The following TMEM232 variants were observed in gnomAD, a reference collection of about 807,000 sequenced individuals.
TMEM232 encodes transmembrane protein 232.
A neutral mutation model predicts 78.8 loss-of-function variants in TMEM232; 80 were observed. The observed-to-expected ratio is 1.01, with a 90% CI of 0.85 to 1.22. TMEM232 has a LOEUF of 1.22. TMEM232 is among the 50% of genes most tolerant of loss of function. The pLI is 0.00. For synonymous variants in TMEM232, 297 were observed against 254.3 expected, an observed-to-expected ratio of 1.17 and a Z score of -1.60; for missense variants, 881 against 742.2, an observed-to-expected ratio of 1.19 and a Z score of -2.17.
At chr5:110,711,628 C>T (rs1193284035) in intron 1 of TMEM232, among the ~76,000 whole-genome samples, 1 of 152,000 alleles carries the variant, frequency 6.6e-6, no homozygotes, top group Non-Finnish European at 1.5e-5. Context: ...AGAAACAAGT[C>T]CACACACCTA....
chr5:110,517,034 G>A (rs1432505890), intron 12 of TMEM232, among the ~76,000 whole-genome samples: 1 of 152,070 alleles, frequency 6.6e-6, no homozygotes, highest in Non-Finnish European at 1.5e-5. Context: ...CCTTCTATAG[G>A]AGTCCTTATA....
intron 2 of TMEM232, among the ~76,000 whole-genome samples, chr5:110,403,446 A>G (rs1755677158): frequency 6.6e-6 from 1 of 151,944 alleles, no homozygotes; most frequent in Non-Finnish European, 1.5e-5. Context: ...TCTTATTTTG[A>G]TCTGTGCAGC....
intron 12 of TMEM232, among the ~76,000 whole-genome samples, chr5:110,460,292 A>AGTGTGT (rs112235101): frequency 3.3e-5 from 5 of 149,494 alleles, no homozygotes; most frequent in South Asian, 2.1e-4. Flanking sequence ...TGTATAAGTA[A>AGTGTGT]GTGTGTGTGT....
intron 10 of TMEM232, among the ~76,000 whole-genome samples, chr5:110,570,863 C>T (rs573769996): frequency 1.5e-4 from 23 of 152,094 alleles, no homozygotes; most frequent in Admixed American, 3.3e-4. Flanking sequence ...TACTGTCTGT[C>T]TTTCTAATAT....
chr5:110,732,822 T>G (rs1798807096), intron 2 of TMEM232, among the ~76,000 whole-genome samples: 1 of 152,200 alleles, frequency 6.6e-6, no homozygotes, highest in African/African-American at 2.4e-5. Flanking sequence ...ATCTGAAATT[T>G]TTATTTGTCA....
Position 110,479,861 on chromosome 5 carries a change from T to G in TMEM232, c.1703+48727A>C, listed in dbSNP as rs539189831. 3.3e-5 allele frequency among the ~76,000 whole-genome samples: 5 copies of G among 152,026 alleles called. No homozygotes were observed. In the East Asian group the frequency reaches 9.6e-4, roughly 29 times the overall value. On this transcript the variant is annotated intron_variant, in intron 12 of 13. Transcript: ENST00000455884. ...AGTACATTTCTGTAAAGAAGTCACT[T>G]AAATTCACACCCACATGTTTTTGGT...
chr5:110,719,145 T>C (rs1413055722), intron 1 of TMEM232, among the ~76,000 whole-genome samples: 3 of 151,906 alleles, frequency 2.0e-5, no homozygotes, highest in African/African-American at 7.3e-5. Flanking sequence ...TGAAATACTA[T>C]GAAGTACATG....
chr5:110,576,854 C>G (rs1249854959), intron 10 of TMEM232, among the ~76,000 whole-genome samples: 23 of 152,012 alleles, frequency 1.5e-4, no homozygotes, highest in Admixed American at 1.5e-3. Context: ...GAAACTGGAC[C>G]ACTTCCTAAC....
intron 2 of TMEM232, among the ~76,000 whole-genome samples, chr5:110,663,929 G>A (rs1472988494): frequency 3.3e-5 from 5 of 152,040 alleles, no homozygotes; most frequent in African/African-American, 4.8e-5. Flanking sequence ...ATTTGAGGTC[G>A]AGAATTTGAA....
chr5:110,718,325 A>C (rs1797229395), intron 1 of TMEM232, among the ~76,000 whole-genome samples: 1 of 152,178 alleles, frequency 6.6e-6, no homozygotes, highest in African/African-American at 2.4e-5. Context: ...ATTATTATGA[A>C]GTTTTCAAAA....
intron 11 of TMEM232, among the ~76,000 whole-genome samples, chr5:110,536,262 A>G (rs187575113): frequency 6.6e-6 from 1 of 152,328 alleles, no homozygotes; most frequent in East Asian, 1.9e-4. Flanking sequence ...ACCCAGTTCT[A>G]GTAAGGGAAC....
intron 1 of TMEM232, among the ~76,000 whole-genome samples, chr5:110,685,640 G>T (rs1467074135): frequency 6.6e-6 from 1 of 152,026 alleles, no homozygotes; most frequent in African/African-American, 2.4e-5. Flanking sequence ...CCCTGACCTA[G>T]AAATTCCATT....
intron 2 of TMEM232, among the ~76,000 whole-genome samples, chr5:110,664,965 T>G (rs1185614741): frequency 6.6e-6 from 1 of 152,214 alleles, no homozygotes; most frequent in Non-Finnish European, 1.5e-5. Context: ...GCATAATATA[T>G]GTTACTATCT....
chr5:110,523,206 G>T (rs774925021), intron 12 of TMEM232, among the ~76,000 whole-genome samples: 13 of 152,038 alleles, frequency 8.6e-5, no homozygotes, highest in Non-Finnish European at 1.6e-4. Flanking sequence ...TTGTTCATAG[G>T]TGTCTCTTAT....
At chr5:110,445,708 T>A (rs1008055496) in intron 12 of TMEM232, among the ~76,000 whole-genome samples, 6 of 152,162 alleles carry the variant, frequency 3.9e-5, no homozygotes, top group African/African-American at 1.4e-4. Context: ...AAAGTTCAAC[T>A]ATGGGAAGAG....
chr5:110,553,219 T>G (rs1450941496), intron 11 of TMEM232, among the ~76,000 whole-genome samples: 1 of 152,188 alleles, frequency 6.6e-6, no homozygotes, highest in Non-Finnish European at 1.5e-5. Flanking sequence ...ATTCTGGCTC[T>G]TTTATGGTTC....
intron 5 of TMEM232, among the ~76,000 whole-genome samples, chr5:110,635,595 A>G (rs1785697414): frequency 6.6e-6 from 1 of 152,036 alleles, no homozygotes; most frequent in Non-Finnish European, 1.5e-5. Flanking sequence ...TGATCATCTC[A>G]GATGCAGAAA....
At chr5:110,551,915 AT>A (rs1042322858) in intron 11 of TMEM232, among the ~76,000 whole-genome samples, 1 of 152,006 alleles carries the variant, frequency 6.6e-6, no homozygotes, top group African/African-American at 2.4e-5. Context: ...AATAAACACA[AT>A]TTTTTCAGCA....
At chr5:110,525,660 G>A (rs548210028) in intron 12 of TMEM232, among the ~76,000 whole-genome samples, 2 of 151,670 alleles carry the variant, frequency 1.3e-5, no homozygotes, top group Admixed American at 1.3e-4. Flanking sequence ...TTTACAACTA[G>A]ATTGTTAGAA....
Sources: allele counts gnomAD v4.1 joint callset (sites outside exome capture counted in the v4.1 genomes callset), GRCh38; gene constraint gnomAD v4.1.1; transcripts MANE v1.5; gene names NCBI Gene and HGNC (gene_info 2026-07-23, HGNC 2026-07-21).